The following HTR7 variants were observed in gnomAD, a reference collection of about 807,000 sequenced individuals.
The protein encoded by HTR7 is 5-hydroxytryptamine receptor 7.
In HTR7, 16 loss-of-function variants were observed where a neutral mutation model predicts 34.0. The observed-to-expected ratio is 0.47, with a 90% confidence interval of 0.32 to 0.71. The LOEUF is 0.71. Ranked by LOEUF, HTR7 falls within the 30% of genes least tolerant of loss-of-function variation. The probability of loss-of-function intolerance (pLI) is 0.04; values close to 1 mark genes in which losing one functional copy is unlikely to be tolerated. For synonymous variants in HTR7, 265 were observed against 260.2 expected (o/e 1.02, Z -0.18); for missense variants, 504 against 625.5 (o/e 0.81, Z 2.07).
At chr10:90,851,686 A>G (rs961096730) in intron 1 of HTR7, among the ~76,000 whole-genome samples, 2 of 151,786 alleles carry the variant, frequency 1.3e-5, no homozygotes, top group African/African-American at 4.8e-5. Flanking sequence ...ATTTGTCACT[A>G]GCAAACCCTC....
chr10:90,743,991 A>T, intron 2 of HTR7: 1 of 546,060 alleles, frequency 1.8e-6, no homozygotes. Context: ...ATTTGGGAGT[A>T]GGAACAGTCT....
intron 1 of HTR7, among the ~76,000 whole-genome samples, chr10:90,855,955 C>G (rs571707862): frequency 6.6e-6 from 1 of 152,116 alleles, no homozygotes; most frequent in Non-Finnish European, 1.5e-5. Context: ...AAAATACATA[C>G]AGCAGAACAT....
At chr10:90,791,959 G>A (rs957721229) in intron 1 of HTR7, among the ~76,000 whole-genome samples, 3 of 152,110 alleles carry the variant, frequency 2.0e-5, no homozygotes, top group Non-Finnish European at 4.4e-5. Context: ...GGAAATTAAA[G>A]AGCAGTAAAA....
rs1311037503 is a variant in HTR7 at position 90,794,570 on chromosome 10, T to TACAGCCTC, written c.540-44984_540-44977dup. Among the ~76,000 whole-genome samples, 7 of 152,316 alleles carry TACAGCCTC rather than the reference T, an allele frequency of 4.6e-5. No individual in the cohort carries two copies. The East Asian group carries it at 9.6e-4, about 21-fold the overall frequency. On this transcript the variant is annotated intron_variant, in intron 1 of 3. Transcript: ENST00000336152. ...GTGCAGTGGTGCAGTCATGGCTCAC[T>TACAGCCTC]ACAGCCTCAACCTTCTGGGCTCAAG...
At chr10:90,746,346 T>C (rs1477077738) in intron 2 of HTR7, among the ~76,000 whole-genome samples, 1 of 152,236 alleles carries the variant, frequency 6.6e-6, no homozygotes, top group African/African-American at 2.4e-5. Flanking sequence ...AATCATTAAC[T>C]AAAATAATCA....
intron 1 of HTR7, among the ~76,000 whole-genome samples, chr10:90,755,152 A>G (rs1380219257): frequency 6.6e-6 from 1 of 152,190 alleles, no homozygotes; most frequent in Admixed American, 6.5e-5. Context: ...TATACTTACC[A>G]CATGAAGGGC....
chr10:90,813,957 G>A (rs952049703), intron 1 of HTR7, among the ~76,000 whole-genome samples: 1 of 152,082 alleles, frequency 6.6e-6, no homozygotes, highest in Non-Finnish European at 1.5e-5. Flanking sequence ...TATAAAATCC[G>A]GTACACTCCA....
In HTR7 at chr10:90,748,848, T is replaced by G; in HGVS notation, c.1286A>C (p.Glu429Ala). 3 of 1,612,366 alleles carry G rather than the reference T, an allele frequency of 1.9e-6. No individual in the cohort carries two copies. Among genetic ancestry groups the G allele is most frequent in the Non-Finnish European group, 2.5e-6 (3 of 1,179,322 alleles). ...LKLAERPERP[E>A]FVLRACTRRV... ...TGATAAATGACCTTACAGCACAAAC[T>G]CAGGTCTCTCTGGCCTCTCAGCAAG... The change falls in exon 2 of 4, where the codon GAG becomes GCG. Residue 429 changes from glutamate (E) to alanine (A), a missense_variant. Coordinates refer to ENST00000336152, the MANE Select transcript of HTR7 (RefSeq NM_019859.4).
intron 1 of HTR7, among the ~76,000 whole-genome samples, chr10:90,856,565 C>G (rs539284063): frequency 1.3e-5 from 2 of 152,184 alleles, no homozygotes; most frequent in Non-Finnish European, 2.9e-5. Flanking sequence ...TCGCAAGATA[C>G]AGACAGCATT....
intron 1 of HTR7, among the ~76,000 whole-genome samples, chr10:90,818,976 T>C (rs1048097839): frequency 6.6e-5 from 10 of 152,172 alleles, no homozygotes; most frequent in Non-Finnish European, 1.3e-4. Context: ...CTTCACCTTC[T>C]ACCATGATTG....
At chr10:90,747,190 T>C (rs1844653336) in intron 2 of HTR7, among the ~76,000 whole-genome samples, 1 of 152,250 alleles carries the variant, frequency 6.6e-6, no homozygotes. Flanking sequence ...GCATGCTGCA[T>C]AGCATGTAGC....
At chr10:90,828,136 A>G (rs1846109145) in intron 1 of HTR7, among the ~76,000 whole-genome samples, 2 of 152,232 alleles carry the variant, frequency 1.3e-5, no homozygotes, top group South Asian at 4.1e-4. Flanking sequence ...AGAAATTAAG[A>G]AGCAAATCAA....
chr10:90,856,998 G>A (rs898035794), intron 1 of HTR7, 135 bp downstream of exon 1: 7 of 765,724 alleles, frequency 9.1e-6, no homozygotes, highest in African/African-American at 5.3e-5. Flanking sequence ...TGGATTGGGG[G>A]GAGCGGTGTT....
At chr10:90,769,491 T>C (rs997014043) in intron 1 of HTR7, among the ~76,000 whole-genome samples, 3 of 152,256 alleles carry the variant, frequency 2.0e-5, no homozygotes, top group Non-Finnish European at 4.4e-5. Context: ...CAATGTGTTT[T>C]CTTTCTGAAT....
chr10:90,828,487 C>G (rs1308348406), intron 1 of HTR7, among the ~76,000 whole-genome samples: 1 of 151,704 alleles, frequency 6.6e-6, no homozygotes, highest in East Asian at 1.9e-4. Flanking sequence ...TAGAGAAGAC[C>G]CAAATAAATA....
At chr10:90,811,153 T>G (rs964617444) in intron 1 of HTR7, among the ~76,000 whole-genome samples, 7 of 152,098 alleles carry the variant, frequency 4.6e-5, no homozygotes, top group Non-Finnish European at 1.0e-4. Context: ...AGAGCTGAAG[T>G]GCAGGGCTGT....
chr10:90,810,423 C>T (rs1279678553), intron 1 of HTR7, among the ~76,000 whole-genome samples: 1 of 152,136 alleles, frequency 6.6e-6, no homozygotes, highest in African/African-American at 2.4e-5. Context: ...TATCCCATCC[C>T]ACAGCACGCT....
chr10:90,756,878 T>C (rs926363527), intron 1 of HTR7, among the ~76,000 whole-genome samples: 2 of 152,042 alleles, frequency 1.3e-5, no homozygotes, highest in African/African-American at 4.8e-5. Context: ...AAAATACATG[T>C]CTATTAAAGG....
At chr10:90,787,838 G>A (rs545519440) in intron 1 of HTR7, among the ~76,000 whole-genome samples, 105 of 152,012 alleles carry the variant, frequency 6.9e-4, no homozygotes, top group African/African-American at 2.5e-3. Context: ...TCCAGAATGC[G>A]CATGTTAAAC....
Sources: allele counts gnomAD v4.1 joint callset (sites outside exome capture counted in the v4.1 genomes callset), GRCh38; gene constraint gnomAD v4.1.1; transcripts MANE v1.5; gene names NCBI Gene and HGNC (gene_info 2026-07-23, HGNC 2026-07-21).